Variants in STAG1 observed in about 807,000 individuals in gnomAD.
The protein encoded by STAG1 is STAG1 cohesin complex component.
A neutral mutation model predicts 170.9 loss-of-function variants in STAG1; 26 were observed. The ratio of observed to expected loss-of-function variants is 0.15; its 90% CI spans 0.11 to 0.21. STAG1 has a LOEUF of 0.21. Ranked by LOEUF, STAG1 falls within the 10% of genes least tolerant of loss-of-function variation. The probability of loss-of-function intolerance (pLI) is 1.00; values close to 1 mark genes in which losing one functional copy is unlikely to be tolerated. For synonymous variants in STAG1, 514 were observed against 497.7 expected (o/e 1.03, Z -0.44); for missense variants, 964 against 1,509.5 (o/e 0.64, Z 5.99).
intron 1 of STAG1, among the ~76,000 whole-genome samples, chr3:136,651,233 GTGCCTGCC>G: frequency 6.6e-6 from 1 of 152,050 alleles, no homozygotes; most frequent in South Asian, 2.1e-4. Flanking sequence ...CACTGTAGTG[GTGCCTGCC>G]TGTAACTCCT....
chr3:136,526,284 T>G (rs1935022353), intron 6 of STAG1, among the ~76,000 whole-genome samples: 2 of 152,212 alleles, frequency 1.3e-5, no homozygotes, highest in Admixed American at 6.5e-5. Flanking sequence ...TGCTCCTGTA[T>G]TGGGTGAATA....
At chr3:136,546,541 C>A (rs1936163220) in intron 5 of STAG1, among the ~76,000 whole-genome samples, 2 of 152,024 alleles carry the variant, frequency 1.3e-5, no homozygotes, top group Admixed American at 1.3e-4. Context: ...AAAAGTAATT[C>A]TAGAGAAGAT....
intron 16 of STAG1, among the ~76,000 whole-genome samples, chr3:136,433,025 T>C (rs2127973): frequency 1.8e-4 from 28 of 152,294 alleles, no homozygotes; most frequent in African/African-American, 5.8e-4. Context: ...ATGTAATGTT[T>C]TTGACAATAC....
At chr3:136,551,667 C>T (rs1936411947) in intron 5 of STAG1, among the ~76,000 whole-genome samples, 2 of 151,784 alleles carry the variant, frequency 1.3e-5, no homozygotes, top group South Asian at 2.1e-4. Flanking sequence ...GGCTGAAGTG[C>T]AGTGGCAAAA....
chr3:136,608,556 G>A (rs2107812912), intron 3 of STAG1, among the ~76,000 whole-genome samples: 2 of 137,954 alleles, frequency 1.4e-5, no homozygotes, highest in South Asian at 4.6e-4. Flanking sequence ...ACTGCACACT[G>A]GTAATACCAG....
intron 4 of STAG1, among the ~76,000 whole-genome samples, chr3:136,603,611 G>A (rs757081001): frequency 5.3e-5 from 8 of 152,078 alleles, no homozygotes; most frequent in Admixed American, 2.0e-4. Flanking sequence ...ATGGCCGGGC[G>A]CGGTGGCTCA....
chr3:136,684,952 G>A (rs143860824), intron 1 of STAG1, among the ~76,000 whole-genome samples: 1 of 152,058 alleles, frequency 6.6e-6, no homozygotes, highest in Non-Finnish European at 1.5e-5. Flanking sequence ...GATGACCCTG[G>A]GTTTGGAGAT....
intron 1 of STAG1, among the ~76,000 whole-genome samples, chr3:136,641,600 C>A (rs1940801206): frequency 6.6e-6 from 1 of 152,188 alleles, no homozygotes; most frequent in African/African-American, 2.4e-5. Context: ...TGCAAAATAA[C>A]TGGCCAGTAT....
chr3:136,656,633 G>GTGTGTGTGTGTGTGTGTC (rs1941385009), intron 1 of STAG1, among the ~76,000 whole-genome samples: 1 of 151,572 alleles, frequency 6.6e-6, no homozygotes, highest in South Asian at 2.1e-4. Flanking sequence ...GTGTGTGTGT[G>GTGTGTGTGTGTGTGTGTC]TGTGTGTGTG....
chr3:136,378,562 G>C (rs1282423798), intron 22 of STAG1, among the ~76,000 whole-genome samples: 1 of 152,162 alleles, frequency 6.6e-6, no homozygotes, highest in African/African-American at 2.4e-5. Flanking sequence ...GAGTTACTGG[G>C]GATGCTGAGG....
At chr3:136,404,596 A>T (rs2087423942) in intron 21 of STAG1, among the ~76,000 whole-genome samples, 1 of 152,192 alleles carries the variant, frequency 6.6e-6, no homozygotes, top group East Asian at 1.9e-4. Flanking sequence ...AGCAGCCAGC[A>T]CTACTTTAAT....
chr3:136,526,472 T>G (rs1307168328), intron 6 of STAG1, among the ~76,000 whole-genome samples: 1 of 152,210 alleles, frequency 6.6e-6, no homozygotes, highest in Non-Finnish European at 1.5e-5. Flanking sequence ...ATCCCTTTAT[T>G]TTGAGCCTAC....
At chr3:136,574,539 T>A (rs749829590) in intron 4 of STAG1, among the ~76,000 whole-genome samples, 20 of 152,154 alleles carry the variant, frequency 1.3e-4, no homozygotes, top group Non-Finnish European at 2.5e-4. Context: ...ATGTTGTGGT[T>A]ATATTCATGT....
At chr3:136,439,389 G>A (rs909050815) in intron 15 of STAG1, among the ~76,000 whole-genome samples, 2 of 95,834 alleles carry the variant, frequency 2.1e-5, no homozygotes, top group African/African-American at 4.9e-5. Context: ...AACACCCCCC[G>A]ACACACACAC....
At chr3:136,718,403 T>C (rs888408334) in intron 1 of STAG1, among the ~76,000 whole-genome samples, 3 of 152,190 alleles carry the variant, frequency 2.0e-5, no homozygotes, top group Admixed American at 6.6e-5. Context: ...TTTTACACTG[T>C]TCTAAGGAGT....
At chr3:136,525,488 T>C (rs1934963128) in intron 6 of STAG1, among the ~76,000 whole-genome samples, 2 of 152,166 alleles carry the variant, frequency 1.3e-5, no homozygotes, top group African/African-American at 4.8e-5. Flanking sequence ...TTCTCTCTTT[T>C]CTTCTTTATT....
At chr3:136,529,897 C>G (rs1205749578) in intron 6 of STAG1, among the ~76,000 whole-genome samples, 1 of 152,136 alleles carries the variant, frequency 6.6e-6, no homozygotes, top group Non-Finnish European at 1.5e-5. Context: ...GTAATATTAA[C>G]TTTGAATGTA....
intron 13 of STAG1, among the ~76,000 whole-genome samples, chr3:136,460,688 C>G (rs1047996549): frequency 6.0e-4 from 91 of 151,534 alleles, no homozygotes; most frequent in Admixed American, 1.4e-3. Context: ...AGTCTCCCCC[C>G]CCAAAAAAAA....
chr3:136,558,940 C>T (rs1475504732), intron 5 of STAG1, among the ~76,000 whole-genome samples: 1 of 152,112 alleles, frequency 6.6e-6, no homozygotes, highest in Non-Finnish European at 1.5e-5. Context: ...GGTAATTTTG[C>T]TTCCCAAAAT....
Sources: gnomAD v4.1 joint callset for allele counts (sites outside exome capture counted in the v4.1 genomes callset) on GRCh38, gnomAD v4.1.1 for gene constraint, MANE v1.5 for transcripts, NCBI Gene and HGNC (gene_info 2026-07-23, HGNC 2026-07-21) for gene names.